TMEM200B: variants seen among roughly 807,000 people sequenced by gnomAD.
TMEM200B encodes the protein transmembrane protein 200B.
A neutral mutation model predicts 17.6 loss-of-function variants in TMEM200B; 12 were observed. That is an observed-to-expected ratio of 0.68 (90% CI 0.44 to 1.11). TMEM200B has a LOEUF of 1.11. Ranked by LOEUF, TMEM200B falls within the 50% of genes least tolerant of loss-of-function variation. TMEM200B has a pLI of 0.00. For missense variants in TMEM200B, 456 were observed against 447.6 expected, an observed-to-expected ratio of 1.02 and a Z score of -0.17; for synonymous variants, 234 against 209.2, an observed-to-expected ratio of 1.12 and a Z score of -1.02.
At position 29,121,523 on chromosome 1, in the gene TMEM200B, G is replaced by T; in HGVS notation, c.306C>A (p.Arg102=). 3 of 1,504,166 alleles carry T rather than the reference G, an allele frequency of 2.0e-6. No individual in the cohort carries two copies. The highest frequency in any genetic ancestry group is 2.6e-6 in the Non-Finnish European group (3 of 1,133,758). 93.2% of individuals were successfully genotyped at this position (1,504,166 alleles called of 1,614,324 possible). A position where few individuals can be genotyped will look rare whatever the true frequency, so the allele number is the denominator to read the frequency against. Residue 102 remains arginine (R), a synonymous_variant, in exon 2 of 2, where the codon CGC becomes CGA. Coordinates refer to ENST00000521452, the MANE Select transcript of TMEM200B (RefSeq NM_001003682.4). The surrounding 1 kb of genome is among the most constrained non-coding windows in gnomAD (Gnocchi z 5.6). ...PQMSELRREG[R]GGGRAHGPHE... is the part of the protein sequence containing the mutation. Reference sequence around the variant, plus strand: ...GCGGGCCGTGAGCCCGGCCCCCGCCGCGACCCTCGCGTCGCAGCTCGCTCA... The same window carrying T: ...GCGGGCCGTGAGCCCGGCCCCCGCCTCGACCCTCGCGTCGCAGCTCGCTCA...
In TMEM200B at chr1:29,121,559, G is replaced by C. The variant is rs1243543169; in HGVS notation, c.270C>G (p.Ser90Arg). Residue 90 changes from serine (S) to arginine (R), a missense_variant, in exon 2 of 2, where the codon AGC becomes AGG. By Grantham distance (110) the Ser-to-Arg change is moderately radical. Coordinates refer to ENST00000521452, the MANE Select transcript of TMEM200B (RefSeq NM_001003682.4). This position sits in a 1 kb window ranked among gnomAD's most constrained non-coding sequence, Gnocchi z 5.6. ...GTCGCAGCTCGCTCATCTGGGGCGA[G>C]CTGGCATTGGCGGCCCGGGACCCTG... ...GAPGSRAANA[S>R]SPQMSELRRE... 6.6e-7 allele frequency: 1 copy of C among 1,504,072 alleles called. No individual in the cohort carries two copies. Among genetic ancestry groups the C allele is most frequent in the Non-Finnish European group, 8.8e-7 (1 of 1,135,890 alleles). The allele number at this position is 1,504,072 out of a possible 1,614,324, so 93.2% of individuals were successfully genotyped here. A position where few individuals can be genotyped will look rare whatever the true frequency, so the allele number is the denominator to read the frequency against.
rs755452310 is a variant in TMEM200B at position 29,121,372 on chromosome 1, G to A, written c.457C>T (p.Arg153Trp). 1.9e-6 allele frequency: 3 copies of A among 1,551,960 alleles called. No homozygotes were observed. Among genetic ancestry groups the A allele is most frequent in the African/African-American group, 2.7e-5 (2 of 73,528 alleles). ...TCGGGGGGCCGGAGCGCCTGGGCCCGCAGCACCCCCTGGCGGAGCCGTCGC... is the reference window on the plus strand; with the variant it reads ...TCGGGGGGCCGGAGCGCCTGGGCCCACAGCACCCCCTGGCGGAGCCGTCGC... ...ETRRLRQGVLRAQALRPPDGP... is the reference protein window; with the variant it reads ...ETRRLRQGVLWAQALRPPDGP... Residue 153 changes from arginine to tryptophan, a missense_variant, in exon 2 of 2, where the codon CGG becomes TGG. By Grantham distance (101) the Arg-to-Trp change is moderately radical. Transcript: ENST00000521452. The surrounding 1 kb of genome is among the most constrained non-coding windows in gnomAD (Gnocchi z 5.6).
chr1:29,120,725 C>T lies in TMEM200B; in HGVS notation c.*180G>A. On this transcript the variant is annotated 3_prime_UTR_variant, in exon 2 of 2. Coordinates refer to ENST00000521452, the MANE Select transcript of TMEM200B (RefSeq NM_001003682.4). ...CTCTCCAGCTCACTGAGCCCTGGTGCAGCTGGCATTTCTCTGCCCGCATGC... is the reference window on the plus strand; with the variant it reads ...CTCTCCAGCTCACTGAGCCCTGGTGTAGCTGGCATTTCTCTGCCCGCATGC... 1.3e-6 allele frequency: 1 copy of T among 751,928 alleles called. No individual in the cohort carries two copies. Among genetic ancestry groups the T allele is most frequent in the Non-Finnish European group, 2.1e-6 (1 of 470,868 alleles). The allele number at this position is 751,928 out of a possible 1,614,324, so 46.6% of individuals were successfully genotyped here.
chr1:29,121,197 G>A lies in TMEM200B; in HGVS notation c.632C>T (p.Ala211Val), dbSNP rs1316122539. ...PSVRSLRSEP[A>V]NPRLGLPALL... is the part of the protein sequence containing the mutation. The stretch of plus-strand genomic sequence containing the variant: ...GGCAGGTAACCCCAAGCGAGGATTA[G>A]CGGGCTCTGAACGCAGACTCCGCAC... Residue 211 changes from alanine to valine, a missense_variant, in exon 2 of 2, where the codon GCT becomes GTT. Coordinates refer to ENST00000521452, the MANE Select transcript of TMEM200B (RefSeq NM_001003682.4). The surrounding 1 kb of genome is among the most constrained non-coding windows in gnomAD (Gnocchi z 5.6). 2.5e-6 allele frequency: 4 copies of A among 1,613,504 alleles called. No homozygotes were observed. In the South Asian group the frequency reaches 4.4e-5, roughly 18 times the overall value.
Position 29,121,712 on chromosome 1 carries a change from A to T in TMEM200B, c.117T>A (p.Pro39=). The T allele has an allele frequency of 3.3e-6, 4 of 1,228,908 alleles. No homozygotes were observed. The highest frequency in any genetic ancestry group is 4.0e-6 in the Non-Finnish European group (4 of 988,178). 76.1% of individuals were successfully genotyped at this position (1,228,908 alleles called of 1,614,324 possible). Residue 39 remains proline (P), a synonymous_variant, in exon 2 of 2, where the codon CCT becomes CCA. Coordinates refer to ENST00000521452, the MANE Select transcript of TMEM200B (RefSeq NM_001003682.4). The surrounding 1 kb of genome is among the most constrained non-coding windows in gnomAD (Gnocchi z 5.6). ...RRRRPRSPPE[P]LRVRARLRLR... is the part of the protein sequence containing the mutation. ...GCCGCAGCCGCGCCCGCACCCGCAG[A>T]GGCTCGGGCGGGGAGCGCGGGCGCC...
In TMEM200B at chr1:29,123,891, T is replaced by G. The variant is rs1671903856; in HGVS notation, c.-56A>C. ...AGCGCCGCGCGGGTCCGGGTCCCAG[T>G]CCGCGCGCGGAGGCTCCAGAGCCGC... is the stretch of plus-strand genomic sequence containing the variant. On this transcript the variant is annotated 5_prime_UTR_variant, in exon 1 of 2. Coordinates refer to ENST00000521452, the MANE Select transcript of TMEM200B (RefSeq NM_001003682.4). The G allele has an allele frequency of 6.6e-6, 1 of 151,672 alleles. No homozygotes were observed. Among genetic ancestry groups the G allele is most frequent in the Admixed American group, 6.6e-5 (1 of 15,194 alleles). 9.4% of individuals were successfully genotyped at this position (151,672 alleles called of 1,614,324 possible). A position where few individuals can be genotyped will look rare whatever the true frequency, so the allele number is the denominator to read the frequency against.
At chr1:29,122,072 C>T (rs1671828503) in intron 1 of TMEM200B, among the ~76,000 whole-genome samples, 1 of 152,150 alleles carries the variant, frequency 6.6e-6, no homozygotes, top group South Asian at 2.1e-4. Flanking sequence ...CGGCAGAAGC[C>T]GGAGTTGGCC....
intron 1 of TMEM200B, among the ~76,000 whole-genome samples, chr1:29,123,626 A>T (rs1671893396): frequency 6.6e-6 from 1 of 152,032 alleles, no homozygotes; most frequent in Non-Finnish European, 1.5e-5. Flanking sequence ...GACACCAGGG[A>T]GGCGGAAACT....
In TMEM200B at chr1:29,121,469, C is replaced by T. The variant is rs374365577; in HGVS notation, c.360G>A (p.Val120=). 23 of 1,530,830 alleles carry T rather than the reference C, an allele frequency of 1.5e-5. No homozygotes were observed. The highest frequency in any genetic ancestry group is 2.0e-5 in the Non-Finnish European group (23 of 1,143,726). 94.8% of individuals were successfully genotyped at this position (1,530,830 alleles called of 1,614,324 possible). The change falls in exon 2 of 2, where the codon GTG becomes GTA. Residue 120 remains valine, a synonymous_variant. Transcript: ENST00000521452. The surrounding 1 kb of genome is among the most constrained non-coding windows in gnomAD (Gnocchi z 5.6). The part of the protein sequence containing the change: ...PHERLRLLGP[V]IMGVGLFVFI... ...ACACGAACAGGCCGACGCCCATGATCACCGGCCCGAGGAGCCGCAGCCGCT... is the reference window on the plus strand; with the variant it reads ...ACACGAACAGGCCGACGCCCATGATTACCGGCCCGAGGAGCCGCAGCCGCT...
In TMEM200B at chr1:29,121,181, C is replaced by G. The variant is rs985036148; in HGVS notation, c.648G>C (p.Gly216=). 6.2e-7 allele frequency: 1 copy of G among 1,613,478 alleles called. No homozygotes were observed. Among genetic ancestry groups the G allele is most frequent in the Non-Finnish European group, 8.5e-7 (1 of 1,180,042 alleles). The change falls in exon 2 of 2, where the codon GGG becomes GGC. Residue 216 remains glycine, a synonymous_variant. Transcript: ENST00000521452. The surrounding 1 kb of genome is among the most constrained non-coding windows in gnomAD (Gnocchi z 5.6). Reference sequence around the variant, plus strand: ...GGTAGCTGTTGAGCAAGGCAGGTAACCCCAAGCGAGGATTAGCGGGCTCTG... The same window carrying G: ...GGTAGCTGTTGAGCAAGGCAGGTAAGCCCAAGCGAGGATTAGCGGGCTCTG... ...LRSEPANPRL[G]LPALLNSYPL... is the part of the protein sequence containing the mutation.
rs1397263043 is a variant in TMEM200B, at chr1:29,121,037, G to A, written c.792C>T (p.Gly264=). The A allele has an allele frequency of 1.2e-6, 2 of 1,613,776 alleles. No homozygotes were observed. Among genetic ancestry groups the A allele is most frequent in the South Asian group, 2.2e-5 (2 of 91,082 alleles). The change falls in exon 2 of 2, where the codon GGC becomes GGT. Residue 264 remains glycine, a synonymous_variant. Coordinates refer to ENST00000521452, the MANE Select transcript of TMEM200B (RefSeq NM_001003682.4). This position sits in a 1 kb window ranked among gnomAD's most constrained non-coding sequence, Gnocchi z 5.6. ...GGGCCCCAAGGAGGAGCTCCCCAAG[G>A]CCCAGATCCAGAGACTTGGAATGTT... ...CIEHSKSLDL[G]LGELLLGAPA...
intron 1 of TMEM200B, among the ~76,000 whole-genome samples, chr1:29,123,612 TG>T (rs1406996854): frequency 1.3e-5 from 2 of 151,930 alleles, no homozygotes; most frequent in African/African-American, 4.8e-5. Context: ...GGGCCGACGC[TG>T]GGGACACCAG....
rs1458029156 is a variant in TMEM200B, at chr1:29,121,472, C to T, written c.357G>A (p.Pro119=). ...CGAACAGGCCGACGCCCATGATCAC[C>T]GGCCCGAGGAGCCGCAGCCGCTCGT... ...GPHERLRLLG[P]VIMGVGLFVF... The change falls in exon 2 of 2, where the codon CCG becomes CCA. Residue 119 remains proline (P), a synonymous_variant. Coordinates refer to ENST00000521452, the MANE Select transcript of TMEM200B (RefSeq NM_001003682.4). This position sits in a 1 kb window ranked among gnomAD's most constrained non-coding sequence, Gnocchi z 5.6. 25 of 1,529,430 alleles carry T rather than the reference C, an allele frequency of 1.6e-5. No individual in the cohort carries two copies. The highest frequency in any genetic ancestry group is 1.8e-5 in the Non-Finnish European group (21 of 1,142,952). 94.7% of individuals were successfully genotyped at this position (1,529,430 alleles called of 1,614,324 possible).
intron 1 of TMEM200B, among the ~76,000 whole-genome samples, chr1:29,123,479 G>A (rs1344938774): frequency 1.3e-5 from 2 of 152,126 alleles, no homozygotes; most frequent in Non-Finnish European, 2.9e-5. Context: ...CAGAACTGGC[G>A]CTCTCAGCCC....
rs1229178693 is a variant in TMEM200B at position 29,121,361 on chromosome 1, C to T, written c.468G>A (p.Ala156=). ...RLRQGVLRAQ[A]LRPPDGPGWD... ...AGCCCGGGCCGTCGGGGGGCCGGAG[C>T]GCCTGGGCCCGCAGCACCCCCTGGC... The change falls in exon 2 of 2, where the codon GCG becomes GCA. Residue 156 remains alanine (A), a synonymous_variant. Coordinates refer to ENST00000521452, the MANE Select transcript of TMEM200B (RefSeq NM_001003682.4). The surrounding 1 kb of genome is among the most constrained non-coding windows in gnomAD (Gnocchi z 5.6). 1.3e-6 allele frequency: 2 copies of T among 1,554,488 alleles called. No individual in the cohort carries two copies.
At position 29,121,520 on chromosome 1, in the gene TMEM200B, G is replaced by A. The variant is rs1209861868; in HGVS notation, c.309C>T (p.Gly103=). 3 of 1,505,246 alleles carry A rather than the reference G, an allele frequency of 2.0e-6. No homozygotes were observed. The highest frequency in any genetic ancestry group is 1.4e-5 in the African/African-American group (1 of 70,576). The allele number at this position is 1,505,246 out of a possible 1,614,324, so 93.2% of individuals were successfully genotyped here. ...QMSELRREGR[G]GGRAHGPHER... ...CGTGCGGGCCGTGAGCCCGGCCCCC[G>A]CCGCGACCCTCGCGTCGCAGCTCGC... Residue 103 remains glycine (G), a synonymous_variant, in exon 2 of 2, where the codon GGC becomes GGT. Coordinates refer to ENST00000521452, the MANE Select transcript of TMEM200B (RefSeq NM_001003682.4). This position sits in a 1 kb window ranked among gnomAD's most constrained non-coding sequence, Gnocchi z 5.6.
At position 29,119,938 on chromosome 1, in the gene TMEM200B, C is replaced by A. The variant is rs543352122; in HGVS notation, c.*967G>T. ...TAGACTACACAGGCAATAATCAAGT[C>A]TGCTGTTTTGGCCTTTCGTAGTAGA... On this transcript the variant is annotated 3_prime_UTR_variant, in exon 2 of 2. Coordinates refer to ENST00000521452, the MANE Select transcript of TMEM200B (RefSeq NM_001003682.4). 3.9e-5 allele frequency: 6 copies of A among 152,634 alleles called. No homozygotes were observed. The highest frequency in any genetic ancestry group is 8.8e-5 in the Non-Finnish European group (6 of 68,054). The allele number at this position is 152,634 out of a possible 1,614,324, so 9.5% of individuals were successfully genotyped here.
rs1486729451 is a variant in TMEM200B, at chr1:29,121,301, C to T, written c.528G>A (p.Arg176=). The T allele has an allele frequency of 1.2e-6, 2 of 1,602,748 alleles. No homozygotes were observed. The highest frequency in any genetic ancestry group is 2.3e-5 in the East Asian group (1 of 44,398). ...CTGCGCAGCCTACGGCTCGGGGACT[C>T]CTAGGGCCGGGGCTGGGAAGGAGGG... ...DCALLPSPGP[R]SPRAVGCAEP... Residue 176 remains arginine (R), a synonymous_variant, in exon 2 of 2, where the codon AGG becomes AGA. Transcript: ENST00000521452. The surrounding 1 kb of genome is among the most constrained non-coding windows in gnomAD (Gnocchi z 5.6).
Position 29,120,906 on chromosome 1 carries a change from CAGA to C in TMEM200B, c.920_922del (p.Val307_Ter308delinsGly). The C allele has an allele frequency of 6.3e-7, 1 of 1,597,824 alleles. No individual in the cohort carries two copies. The highest frequency in any genetic ancestry group is 1.3e-5 in the African/African-American group (1 of 74,624). On this transcript the variant is annotated stop_lost and inframe_deletion, in exon 2 of 2. Coordinates refer to ENST00000521452, the MANE Select transcript of TMEM200B (RefSeq NM_001003682.4). Reference sequence around the variant, plus strand: ...CAGAGCAGGCTGTCTCCCCTCTCTTCAGACCCGGGCCCCCAAGTCCCCTCCTCC... The same window carrying C: ...CAGAGCAGGCTGTCTCCCCTCTCTTCCCCGGGCCCCCAAGTCCCCTCCTCC...
Sources: allele counts gnomAD v4.1 joint callset (sites outside exome capture counted in the v4.1 genomes callset), GRCh38; gene constraint gnomAD v4.1.1; non-coding constraint Gnocchi (gnomAD v3.1); transcripts MANE v1.5; gene names NCBI Gene and HGNC (gene_info 2026-07-23, HGNC 2026-07-21).